The following FRY variants were observed in gnomAD, a reference collection of about 807,000 sequenced individuals.
FRY encodes the protein protein furry homolog.
FRY carries 128 observed loss-of-function variants against 348.4 expected under a neutral mutation model. That is an observed-to-expected ratio of 0.37 (90% CI 0.32 to 0.43). FRY has a LOEUF of 0.43. Ranked by LOEUF, FRY falls within the 20% of genes least tolerant of loss-of-function variation. The pLI, the probability that FRY is intolerant of heterozygous loss-of-function variation, is 1.00. For synonymous variants in FRY, 1,370 were observed against 1,374.7 expected (o/e 1.00, Z 0.08); for missense variants, 2,736 against 3,695.2 (o/e 0.74, Z 6.73).
At chr13:32,254,655 GA>G (rs1887245564) in intron 51 of FRY, among the ~76,000 whole-genome samples, 1 of 152,000 alleles carries the variant, frequency 6.6e-6, no homozygotes. Flanking sequence ...ACCACACAAA[GA>G]CTGTATGTGT....
chr13:32,151,356 T>G (rs1880782535), intron 14 of FRY, among the ~76,000 whole-genome samples: 2 of 152,252 alleles, frequency 1.3e-5, no homozygotes, highest in African/African-American at 4.8e-5. Context: ...CCATTTCTCG[T>G]GATCTTGTAG....
chr13:32,180,120 T>G (rs909654443), intron 23 of FRY, among the ~76,000 whole-genome samples: 2 of 152,266 alleles, frequency 1.3e-5, no homozygotes, highest in Non-Finnish European at 2.9e-5. Context: ...GGTTATCACA[T>G]CAAAATAATA....
intron 23 of FRY, among the ~76,000 whole-genome samples, chr13:32,180,530 C>T (rs1257536815): frequency 1.3e-5 from 2 of 152,156 alleles, no homozygotes; most frequent in South Asian, 2.1e-4. Context: ...CCACCATGCC[C>T]GGCTTCATTG....
At chr13:32,291,221 TACTC>T (rs1291301310) in intron 59 of FRY, among the ~76,000 whole-genome samples, 1 of 152,106 alleles carries the variant, frequency 6.6e-6, no homozygotes, top group East Asian at 1.9e-4. Context: ...ATTTTTTTAT[TACTC>T]AGTTTGAAAA....
chr13:32,267,949 G>A (rs1267651434), intron 55 of FRY, among the ~76,000 whole-genome samples: 1 of 152,146 alleles, frequency 6.6e-6, no homozygotes. Context: ...TGCCTCTCCC[G>A]TGTGAACCAC....
At chr13:32,039,960 A>C (rs1872687565) in intron 1 of FRY, among the ~76,000 whole-genome samples, 1 of 152,254 alleles carries the variant, frequency 6.6e-6, no homozygotes, top group Non-Finnish European at 1.5e-5. Flanking sequence ...GTAATTTAGC[A>C]GTGGAAGACA....
intron 11 of FRY, among the ~76,000 whole-genome samples, chr13:32,143,232 G>A (rs1173827475): frequency 6.6e-6 from 1 of 152,158 alleles, no homozygotes; most frequent in Non-Finnish European, 1.5e-5. Flanking sequence ...AAACATGTTT[G>A]TATTTTCAAG....
intron 33 of FRY, 122 bp downstream of exon 33, chr13:32,209,853 C>A (rs569634275): frequency 1.1e-6 from 1 of 941,010 alleles, no homozygotes; most frequent in South Asian, 1.4e-5. Flanking sequence ...TCACATGAAT[C>A]TCCTGTGAGC....
intron 48 of FRY, among the ~76,000 whole-genome samples, chr13:32,248,405 A>G (rs1886906486): frequency 6.6e-6 from 1 of 152,152 alleles, no homozygotes; most frequent in Non-Finnish European, 1.5e-5. Flanking sequence ...AAGGGGAGGG[A>G]TAGCATTAGG....
chr13:32,211,182 G>T, intron 34 of FRY, 148 bp downstream of exon 34: 1 of 798,048 alleles, frequency 1.3e-6, no homozygotes, highest in Admixed American at 2.0e-5. Flanking sequence ...GAATAACTGA[G>T]ACATGGGCTG....
chr13:32,119,394 G>C (rs1878510196), intron 4 of FRY, among the ~76,000 whole-genome samples: 1 of 152,154 alleles, frequency 6.6e-6, no homozygotes, highest in South Asian at 2.1e-4. Flanking sequence ...CTGGCTCCTG[G>C]CAGTTAGACT....
At chr13:32,085,251 C>G (rs553776955) in intron 2 of FRY, among the ~76,000 whole-genome samples, 2 of 152,250 alleles carry the variant, frequency 1.3e-5, no homozygotes, top group South Asian at 4.1e-4. Context: ...TCTTAGTGAT[C>G]AGACACAGTA....
At chr13:32,245,954 A>G (rs905317931) in intron 47 of FRY, among the ~76,000 whole-genome samples, 1 of 152,188 alleles carries the variant, frequency 6.6e-6, no homozygotes, top group Non-Finnish European at 1.5e-5. Flanking sequence ...TTACTTACAG[A>G]AATTATTTGA....
At chr13:32,268,500 AAAAAAATATATATATATATATAT>A (rs1205360218) in intron 55 of FRY, among the ~76,000 whole-genome samples, 2 of 18,988 alleles carry the variant, frequency 1.1e-4, no homozygotes, top group East Asian at 2.3e-3. Context: ...AAAAAAAAAA[AAAAAAATATATATATATATATAT>A]ATATATATAT....
chr13:32,118,287 T>A (rs1213774403), intron 4 of FRY, among the ~76,000 whole-genome samples: 2 of 152,192 alleles, frequency 1.3e-5, no homozygotes, highest in South Asian at 4.1e-4. Flanking sequence ...TCCACATGAA[T>A]GGATTATTCC....
intron 4 of FRY, among the ~76,000 whole-genome samples, chr13:32,122,649 G>T (rs1014391326): frequency 6.6e-6 from 1 of 152,124 alleles, no homozygotes; most frequent in African/African-American, 2.4e-5. Flanking sequence ...CCTACTGTCA[G>T]CACTCTTCTT....
chr13:32,205,076 G>A (rs1475742161), intron 31 of FRY, among the ~76,000 whole-genome samples: 9 of 152,016 alleles, frequency 5.9e-5, no homozygotes, highest in African/African-American at 2.2e-4. Context: ...GGTGGCACAT[G>A]CCTGTAGTCC....
rs555806929 is a variant in FRY, at chr13:32,288,670, A to G, written c.8470-963A>G. On this transcript the variant is annotated intron_variant, in intron 58 of 60. Transcript: ENST00000542859. ...TAGTCCTTGGTAAAAGAAAGGCCGT[A>G]TTTATCCTACCCCATTTGAAAACTG... Among the ~76,000 whole-genome samples the G allele has an allele frequency of 3.1e-4, 47 of 152,314 alleles. No homozygotes were observed. The Middle Eastern group carries it at 0.014, about 44-fold the overall frequency.
chr13:32,234,381 C>A (rs1456440655), intron 41 of FRY, among the ~76,000 whole-genome samples, 193 bp from the exon 42 acceptor site: 1 of 151,962 alleles, frequency 6.6e-6, no homozygotes, highest in Non-Finnish European at 1.5e-5. Context: ...CGTGATCATG[C>A]CACTGCACTC....
Sources: allele counts gnomAD v4.1 joint callset (sites outside exome capture counted in the v4.1 genomes callset), GRCh38; gene constraint gnomAD v4.1.1; transcripts MANE v1.5; gene names NCBI Gene and HGNC (gene_info 2026-07-23, HGNC 2026-07-21).